The following NAF1 variants were observed in gnomAD, a reference collection of about 807,000 sequenced individuals.
The protein encoded by NAF1 is H/ACA ribonucleoprotein complex non-core subunit NAF1.
A neutral mutation model predicts 40.6 loss-of-function variants in NAF1; 11 were observed. That is an observed-to-expected ratio of 0.27 (90% confidence interval 0.17 to 0.45). The LOEUF is 0.45. Among genes scored for constraint, NAF1 ranks in the 20% least tolerant of loss-of-function variants. The pLI, the probability that NAF1 is intolerant of heterozygous loss-of-function variation, is 1.00. For missense variants in NAF1, 607 were observed against 611.1 expected, an observed-to-expected ratio of 0.99 and a Z score of 0.07; for synonymous variants, 260 against 228.5, an observed-to-expected ratio of 1.14 and a Z score of -1.24.
chr4:163,121,638 T>C (rs1646781284), intron 2 of NAF1, among the ~76,000 whole-genome samples: 1 of 152,340 alleles, frequency 6.6e-6, no homozygotes, highest in East Asian at 1.9e-4. Flanking sequence ...TGAATGCATA[T>C]TGTGTGAACA....
intron 3 of NAF1, among the ~76,000 whole-genome samples, chr4:163,146,582 A>G (rs1330420318): frequency 6.6e-6 from 1 of 152,254 alleles, no homozygotes; most frequent in Non-Finnish European, 1.5e-5. Flanking sequence ...CATGTCAACT[A>G]AGGGAATAAA....
downstream of NAF1, among the ~76,000 whole-genome samples, chr4:163,107,435 A>G (rs1042012782): frequency 6.6e-6 from 1 of 152,160 alleles, no homozygotes; most frequent in Non-Finnish European, 1.5e-5. Flanking sequence ...GTCCAGGTAC[A>G]CTGTGCTCTC....
intron 2 of NAF1, among the ~76,000 whole-genome samples, chr4:163,112,437 G>C (rs1730190929): frequency 6.6e-6 from 1 of 152,142 alleles, no homozygotes; most frequent in East Asian, 1.9e-4. Context: ...TCAACACTTA[G>C]GGAAGGGAGA....
At chr4:163,143,508 T>G (rs1376024755) in intron 4 of NAF1, among the ~76,000 whole-genome samples, 1 of 152,162 alleles carries the variant, frequency 6.6e-6, no homozygotes, top group Non-Finnish European at 1.5e-5. Flanking sequence ...AAAGGGAGAA[T>G]GAGCTGTACT....
chr4:163,150,316 G>A (rs1045652206), intron 2 of NAF1, among the ~76,000 whole-genome samples: 1 of 152,050 alleles, frequency 6.6e-6, no homozygotes. Flanking sequence ...AGGATACAAA[G>A]TAAAAAGTGA....
intron 2 of NAF1, among the ~76,000 whole-genome samples, chr4:163,115,806 G>A (rs1730319457): frequency 6.6e-6 from 1 of 152,134 alleles, no homozygotes. Flanking sequence ...AATTACTACT[G>A]AAAATACAAG....
At chr4:163,110,864 TTA>T (rs1333397527) in intron 2 of NAF1, among the ~76,000 whole-genome samples, 3 of 152,152 alleles carry the variant, frequency 2.0e-5, no homozygotes, top group Non-Finnish European at 2.9e-5. Flanking sequence ...AGGGATTTAT[TTA>T]TATTTTTTAA....
chr4:163,146,274 T>C (rs1731466432), intron 3 of NAF1, among the ~76,000 whole-genome samples: 1 of 152,224 alleles, frequency 6.6e-6, no homozygotes, highest in African/African-American at 2.4e-5. Context: ...TACAAAGCAC[T>C]GTTTAGTTAC....
At chr4:163,110,059 ACATT>A (rs1293881336), downstream of NAF1, 1 of 464,378 alleles carries the variant, frequency 2.2e-6, no homozygotes, top group Non-Finnish European at 3.8e-6. Context: ...GATATGGAGA[ACATT>A]CAGTAAGATA....
At chr4:163,127,085 A>T (rs1430027567), downstream of NAF1, 1 of 1,551,518 alleles carries the variant, frequency 6.4e-7, no homozygotes, top group African/African-American at 1.4e-5. Context: ...TCTGGATCCG[A>T]GGCCACAATA....
intron 4 of NAF1, among the ~76,000 whole-genome samples, chr4:163,145,580 T>C (rs760374391): frequency 1.3e-5 from 2 of 152,236 alleles, no homozygotes; most frequent in Non-Finnish European, 2.9e-5. Flanking sequence ...ATAACTCATG[T>C]GGCAAAGAGT....
intron 3 of NAF1, among the ~76,000 whole-genome samples, chr4:163,146,867 T>C (rs530733634): frequency 5.8e-4 from 88 of 152,334 alleles, no homozygotes; most frequent in Non-Finnish European, 1.1e-3. Context: ...GTTGAGAATT[T>C]TTTCAGTCTA....
At chr4:163,131,608 C>T (rs1730877321) in intron 7 of NAF1, among the ~76,000 whole-genome samples, 1 of 151,936 alleles carries the variant, frequency 6.6e-6, no homozygotes, top group Non-Finnish European at 1.5e-5. Context: ...CACAAGTGTA[C>T]AATTTAAAAC....
rs918377846 is a variant in NAF1 at position 163,129,154 on chromosome 4, G to A, written c.1228C>T (p.Pro410Ser). The change falls in exon 8 of 8, where the codon CCT (proline) becomes TCT (serine). Residue 410 changes from proline to serine, a missense_variant. Pro to Ser is a moderately conservative substitution (Grantham distance 74). This residue lies in a region of NAF1 where 189 missense variants were observed against 216.6 expected (regional missense o/e 0.87). Coordinates refer to ENST00000274054, the MANE Select transcript of NAF1 (RefSeq NM_138386.3). ...ATGGGATTATTTTGTCTCTGAGAAGGAAATCCTGAAGTCTCCTGAGATACC... is the reference window on the plus strand; with the variant it reads ...ATGGGATTATTTTGTCTCTGAGAAGAAAATCCTGAAGTCTCCTGAGATACC... The part of the protein sequence containing the change: ...HMVSQETSGF[P>S]SQRQNNPIMP... 1.9e-6 allele frequency: 3 copies of A among 1,613,842 alleles called. No individual in the cohort carries two copies. Among genetic ancestry groups the A allele is most frequent in the Non-Finnish European group, 2.5e-6 (3 of 1,179,892 alleles).
chr4:163,104,538 T>C, the NAF1 span, among the ~76,000 whole-genome samples: 1 of 152,234 alleles, frequency 6.6e-6, no homozygotes, highest in Admixed American at 6.5e-5. Flanking sequence ...TTTACTGATA[T>C]AACCAACCTT....
chr4:163,136,914 G>A (rs1437908716), intron 6 of NAF1, among the ~76,000 whole-genome samples: 2 of 152,026 alleles, frequency 1.3e-5, no homozygotes, highest in Admixed American at 1.3e-4. Flanking sequence ...CAACAAAGTT[G>A]ACAAAAATAG....
chr4:163,156,234 C>A (rs56050728), intron 2 of NAF1, among the ~76,000 whole-genome samples: 2,018 of 114,414 alleles, frequency 0.018, 226 homozygotes, highest in Non-Finnish European at 0.028. Flanking sequence ...ACAGAAGATA[C>A]AAAGAATTAG....
chr4:163,110,940 A>C (rs531437034), intron 2 of NAF1, among the ~76,000 whole-genome samples: 11 of 152,292 alleles, frequency 7.2e-5, no homozygotes, highest in Middle Eastern at 3.4e-3. Context: ...CTCCCTCTAT[A>C]ATAACTAGAA....
chr4:163,113,408 G>GT (rs1730226107), intron 2 of NAF1, among the ~76,000 whole-genome samples: 1 of 150,644 alleles, frequency 6.6e-6, no homozygotes, highest in Non-Finnish European at 1.5e-5. Context: ...ATCAAAACTT[G>GT]TAAGGTTAGT....
Sources: allele counts gnomAD v4.1 joint callset (sites outside exome capture counted in the v4.1 genomes callset), GRCh38; gene constraint gnomAD v4.1.1; regional missense constraint gnomAD v4.1.1; transcripts MANE v1.5; gene names NCBI Gene and HGNC (gene_info 2026-07-23, HGNC 2026-07-21).